The following ANKRD28 variants were observed in gnomAD, a reference collection of about 807,000 sequenced individuals.
ANKRD28 encodes ankyrin repeat domain 28.
In ANKRD28, 44 loss-of-function variants were observed where a neutral mutation model predicts 126.5. The observed-to-expected ratio is 0.35, with a 90% CI of 0.27 to 0.45. The LOEUF (loss-of-function observed/expected upper bound fraction) is 0.45, where lower values mean the gene tolerates loss of function less well. Among genes scored for constraint, ANKRD28 ranks in the 20% least tolerant of loss-of-function variants. The pLI is 1.00. For missense variants in ANKRD28, 1,110 were observed against 1,316.6 expected (o/e 0.84, Z 2.43); for synonymous variants, 442 against 468.5 (o/e 0.94, Z 0.73).
intron 1 of ANKRD28, among the ~76,000 whole-genome samples, chr3:15,820,558 A>G (rs140670879): frequency 7.9e-4 from 120 of 152,296 alleles, no homozygotes; most frequent in African/African-American, 2.8e-3. Context: ...ATCATATGCA[A>G]TGTTTAAATC....
chr3:15,686,199 A>G, intron 19 of ANKRD28, 23 bp downstream of exon 19: 1 of 1,589,642 alleles, frequency 6.3e-7, no homozygotes, highest in Non-Finnish European at 8.6e-7. Context: ...TCTGTGATGC[A>G]ACAATTATTT....
At chr3:15,850,386 T>C (rs1444958594) in intron 1 of ANKRD28, among the ~76,000 whole-genome samples, 5 of 151,858 alleles carry the variant, frequency 3.3e-5, no homozygotes, top group African/African-American at 1.2e-4. Context: ...CCATAACAGA[T>C]AACCATAAAT....
intron 1 of ANKRD28, among the ~76,000 whole-genome samples, chr3:15,827,551 C>T (rs770153012): frequency 1.3e-5 from 2 of 151,992 alleles, no homozygotes; most frequent in Non-Finnish European, 2.9e-5. Flanking sequence ...TCTAGTTTCC[C>T]CAACATCATT....
At chr3:15,696,793 CTTCAT>C (rs1485652029) in intron 14 of ANKRD28, among the ~76,000 whole-genome samples, 2 of 152,166 alleles carry the variant, frequency 1.3e-5, no homozygotes, top group African/African-American at 4.8e-5. Context: ...ATAAGAGATA[CTTCAT>C]TTCATTTCTG....
rs1360399431 is a variant in ANKRD28, at chr3:15,854,139, GC to G, written c.27+5237del. Among the ~76,000 whole-genome samples, 7 of 152,146 alleles carry G rather than the reference GC, an allele frequency of 4.6e-5. No homozygotes were observed. The highest frequency in any genetic ancestry group is 1.0e-4 in the Non-Finnish European group (7 of 68,026). On this transcript the variant is annotated intron_variant, in intron 1 of 27. Transcript: ENST00000399451. The surrounding 1 kb of genome is among the most constrained non-coding windows in gnomAD (Gnocchi z 4.1). ...TGAGGATCCATACCTGCACATTCTT[GC>G]CAAAACCTTCGCAGGCCCTATTTTA...
Position 15,696,180 on chromosome 3 carries a change from G to A in ANKRD28, c.1613C>T (p.Ala538Val). 1 of 1,594,824 alleles carries A rather than the reference G, an allele frequency of 6.3e-7. No individual in the cohort carries two copies. The highest frequency in any genetic ancestry group is 1.7e-5 in the Admixed American group (1 of 57,574). ...PGIRDKQGYN[A>V]VHYSAAYGHR... The stretch of plus-strand genomic sequence containing the variant: ...ACCATAAGCAGCTGAATAATGAACT[G>A]CGTTGTATCCTTGCTTATCACGGAT... The change falls in exon 15 of 28, where the codon GCA becomes GTA. Residue 538 changes from alanine to valine, a missense_variant. Coordinates refer to ENST00000683139, the MANE Select transcript of ANKRD28 (RefSeq NM_001349278.2).
intron 3 of ANKRD28, among the ~76,000 whole-genome samples, chr3:15,763,336 A>C (rs1187080203): frequency 6.6e-6 from 1 of 152,232 alleles, no homozygotes; most frequent in African/African-American, 2.4e-5. Context: ...CTTGAGAAAC[A>C]AACCAAAATG....
intron 1 of ANKRD28, among the ~76,000 whole-genome samples, chr3:15,811,920 A>G (rs920691064): frequency 7.9e-5 from 12 of 151,290 alleles, no homozygotes; most frequent in African/African-American, 2.9e-4. Flanking sequence ...TTGGGAGGTC[A>G]AGGTGGGTGG....
rs1398833189 is a variant in ANKRD28 at position 15,817,342 on chromosome 3, T to C, written c.28-22036A>G. Among the ~76,000 whole-genome samples, 1 of 152,170 alleles carries C rather than the reference T, an allele frequency of 6.6e-6. No homozygotes were observed. Among genetic ancestry groups the C allele is most frequent in the Non-Finnish European group, 1.5e-5 (1 of 68,020 alleles). ...AGGTTATAAACTAACATCGGCAATT[T>C]CATATGGTCCAACCTAATATCAATT... On this transcript the variant is annotated intron_variant, in intron 1 of 27. Coordinates refer to the ANKRD28 transcript ENST00000399451. The surrounding 1 kb of genome is among the most constrained non-coding windows in gnomAD (Gnocchi z 4.5).
intron 4 of ANKRD28, among the ~76,000 whole-genome samples, chr3:15,744,268 C>T (rs945355064): frequency 1.8e-4 from 27 of 152,200 alleles, no homozygotes; most frequent in African/African-American, 6.5e-4. Flanking sequence ...TTCTCATAAT[C>T]CTGCAAAAGA....
Position 15,816,726 on chromosome 3 carries a change from T to C in ANKRD28, c.28-21420A>G, listed in dbSNP as rs955159417. Among the ~76,000 whole-genome samples, 25 of 152,214 alleles carry C rather than the reference T, an allele frequency of 1.6e-4. No individual in the cohort carries two copies. The highest frequency in any genetic ancestry group is 5.8e-4 in the African/African-American group (24 of 41,458). ...CTTTTCATATAAAATTATCAAAGTA[T>C]GTCAATCGTCTCAATTTATATATAG... is the stretch of plus-strand genomic sequence containing the variant. On this transcript the variant is annotated intron_variant, in intron 1 of 27. Transcript: ENST00000399451. This position sits in a 1 kb window ranked among gnomAD's most constrained non-coding sequence, Gnocchi z 5.0.
chr3:15,690,468 G>A (rs942601916), intron 17 of ANKRD28, among the ~76,000 whole-genome samples: 1 of 152,212 alleles, frequency 6.6e-6, no homozygotes, highest in Non-Finnish European at 1.5e-5. Flanking sequence ...ATCTTTTCAT[G>A]AGTATACAAT....
At chr3:15,696,266 A>T in intron 14 of ANKRD28, 21 bp from the exon 15 acceptor site, 1 of 1,432,526 alleles carries the variant, frequency 7.0e-7, no homozygotes, top group Middle Eastern at 1.7e-4. Context: ...CAACAACAAC[A>T]TACTGAAAAT....
At position 15,816,265 on chromosome 3, in the gene ANKRD28, T is replaced by C. The variant is rs969594523; in HGVS notation, c.28-20959A>G. 2.6e-5 allele frequency among the ~76,000 whole-genome samples: 4 copies of C among 152,338 alleles called. No homozygotes were observed. Among genetic ancestry groups the C allele is most frequent in the Middle Eastern group, 6.8e-3 (2 of 294 alleles). On this transcript the variant is annotated intron_variant, in intron 1 of 27. Coordinates refer to the ANKRD28 transcript ENST00000399451. The surrounding 1 kb of genome is among the most constrained non-coding windows in gnomAD (Gnocchi z 5.0). ...ACCAAATCCACCTAGCCTAGCCTCC[T>C]ACCTCCACAAATATTTACTCAATAA... is the stretch of plus-strand genomic sequence containing the variant.
intron 14 of ANKRD28, among the ~76,000 whole-genome samples, chr3:15,702,351 G>GT (rs376150962): frequency 6.6e-6 from 1 of 152,154 alleles, no homozygotes; most frequent in African/African-American, 2.4e-5. Context: ...TCATTAGAGG[G>GT]TGGGGGCAGA....
intron 6 of ANKRD28, among the ~76,000 whole-genome samples, chr3:15,734,962 G>C (rs2074920106): frequency 6.6e-6 from 1 of 152,110 alleles, no homozygotes; most frequent in Non-Finnish European, 1.5e-5. Context: ...AAAAAAGTCT[G>C]TATTCCAAGC....
intron 1 of ANKRD28, among the ~76,000 whole-genome samples, chr3:15,832,524 C>G (rs969665719): frequency 6.6e-6 from 1 of 152,192 alleles, no homozygotes; most frequent in African/African-American, 2.4e-5. Context: ...CATGCACTTA[C>G]TGCATTGTGA....
At chr3:15,741,991 G>A (rs1244422221) in intron 4 of ANKRD28, among the ~76,000 whole-genome samples, 26 of 152,158 alleles carry the variant, frequency 1.7e-4, no homozygotes, top group African/African-American at 4.8e-4. Flanking sequence ...CGCCAGCCTC[G>A]GCCTCCCGAG....
At position 15,843,604 on chromosome 3, in the gene ANKRD28, A is replaced by G. The variant is rs1161944105; in HGVS notation, c.27+15773T>C. On this transcript the variant is annotated intron_variant, in intron 1 of 27. Transcript: ENST00000399451. This position sits in a 1 kb window ranked among gnomAD's most constrained non-coding sequence, Gnocchi z 5.2. Reference sequence around the variant, plus strand: ...CAAAAATAAGGGAAAAAAAAGAGAGAGAGGCAGAAATTAAAGTGTAGAAAT... The same window carrying G: ...CAAAAATAAGGGAAAAAAAAGAGAGGGAGGCAGAAATTAAAGTGTAGAAAT... 6.6e-6 allele frequency among the ~76,000 whole-genome samples: 1 copy of G among 152,210 alleles called. No individual in the cohort carries two copies. Among genetic ancestry groups the G allele is most frequent in the Non-Finnish European group, 1.5e-5 (1 of 68,030 alleles).
Sources: gnomAD v4.1 joint callset for allele counts (sites outside exome capture counted in the v4.1 genomes callset) on GRCh38, gnomAD v4.1.1 for gene constraint, Gnocchi (gnomAD v3.1) non-coding constraint, MANE v1.5 for transcripts, NCBI Gene and HGNC (gene_info 2026-07-23, HGNC 2026-07-21) for gene names.